Variants in MAP4 observed in about 807,000 individuals in gnomAD.
The protein encoded by MAP4 is microtubule associated protein 4, also known as microtubule-associated protein 4.
MAP4 carries 76 observed loss-of-function variants against 170.2 expected under a neutral mutation model. The observed-to-expected ratio is 0.45, with a 90% CI of 0.37 to 0.54. The LOEUF (loss-of-function observed/expected upper bound fraction) is 0.54. MAP4 is among the 20% of genes least tolerant of loss of function. The pLI, the probability that MAP4 is intolerant of heterozygous loss-of-function variation, is 0.00. For missense variants in MAP4, 2,506 were observed against 2,748.0 expected (o/e 0.91, Z 1.97); for synonymous variants, 909 against 994.5 (o/e 0.91, Z 1.62).
intron 17 of MAP4, among the ~76,000 whole-genome samples, chr3:47,859,588 C>A (rs1032213829): frequency 6.6e-6 from 1 of 152,214 alleles, no homozygotes; most frequent in African/African-American, 2.4e-5. Context: ...AGGTGCCTTC[C>A]ATACGGCCTC....
chr3:47,980,430 G>T (rs1178115864), intron 2 of MAP4, among the ~76,000 whole-genome samples: 2 of 152,156 alleles, frequency 1.3e-5, no homozygotes, highest in Non-Finnish European at 2.9e-5. Context: ...AAAAATGCAA[G>T]ATTTTACTTT....
chr3:47,987,892 A>T (rs988834328), intron 2 of MAP4, among the ~76,000 whole-genome samples: 6 of 152,172 alleles, frequency 3.9e-5, no homozygotes, highest in African/African-American at 9.6e-5. Context: ...GGTAGTAGAA[A>T]CGTCTCTTTA....
intron 10 of MAP4, among the ~76,000 whole-genome samples, chr3:47,882,011 C>T (rs1225399483): frequency 6.6e-6 from 1 of 152,222 alleles, no homozygotes; most frequent in Non-Finnish European, 1.5e-5. Context: ...TACAGTGGCT[C>T]ACGCCTGTAA....
chr3:48,076,359 G>A (rs974111002), intron 1 of MAP4, among the ~76,000 whole-genome samples: 1 of 151,818 alleles, frequency 6.6e-6, no homozygotes, highest in South Asian at 2.1e-4. Context: ...AAAATTAGCC[G>A]GGCATGGTGG....
At chr3:47,974,414 C>T (rs2100080733) in intron 3 of MAP4, 6 of 953,390 alleles carry the variant, frequency 6.3e-6, no homozygotes, top group Non-Finnish European at 7.5e-6. Flanking sequence ...AAGAGTGAGA[C>T]CCTGTCTCAA....
chr3:48,082,299 C>G (rs79362248), intron 1 of MAP4, among the ~76,000 whole-genome samples: 1,593 of 152,322 alleles, frequency 0.01, 28 homozygotes, highest in African/African-American at 0.036. Context: ...TATAACCTCA[C>G]AGTTATCTTC....
intron 3 of MAP4, among the ~76,000 whole-genome samples, chr3:47,937,189 C>T (rs569365932): frequency 4.7e-4 from 71 of 152,180 alleles, no homozygotes; most frequent in African/African-American, 1.7e-3. Flanking sequence ...ATCCATTCAT[C>T]TTTATAATTC....
chr3:47,873,887 G>A (rs1332812297), intron 12 of MAP4, among the ~76,000 whole-genome samples: 1 of 152,194 alleles, frequency 6.6e-6, no homozygotes, highest in Admixed American at 6.5e-5. Context: ...TAGATGTCAG[G>A]CTCTTGGCTT....
intron 1 of MAP4, among the ~76,000 whole-genome samples, chr3:48,037,772 G>C (rs2100119488): frequency 6.6e-6 from 1 of 152,120 alleles, no homozygotes; most frequent in South Asian, 2.1e-4. Context: ...CACTCTATAT[G>C]ATATGTACTT....
intron 3 of MAP4, among the ~76,000 whole-genome samples, chr3:47,949,134 G>A (rs2100062007): frequency 6.6e-6 from 1 of 152,066 alleles, no homozygotes; most frequent in South Asian, 2.1e-4. Flanking sequence ...TATACTACGT[G>A]CCAGGTTCCA....
In MAP4 at chr3:47,921,784, A is replaced by T; in HGVS notation, c.510T>A (p.Asp170Glu). ...ADTSIFAGQNDPLKDSYGMSP... is the reference protein window; with the variant it reads ...ADTSIFAGQNEPLKDSYGMSP... ...CCATACCGTAACTGTCTTTCAAGGGATCATTTTGTCCTGCAAATATTGAAG... is the reference window on the plus strand; with the variant it reads ...CCATACCGTAACTGTCTTTCAAGGGTTCATTTTGTCCTGCAAATATTGAAG... The change falls in exon 5 of 21, where the codon GAT (aspartate) becomes GAA (glutamate). Residue 170 changes from aspartate (D) to glutamate (E), a missense_variant. Physicochemically the swap from Asp to Glu is conservative, Grantham distance 45. Coordinates refer to ENST00000683076, the MANE Select transcript of MAP4 (RefSeq NM_001385682.1). 1.2e-6 allele frequency: 2 copies of T among 1,607,216 alleles called. No homozygotes were observed. Among genetic ancestry groups the T allele is most frequent in the Non-Finnish European group, 1.7e-6 (2 of 1,173,762 alleles).
rs367900255 is a variant in MAP4 at position 47,918,723 on chromosome 3, C to T, written c.648G>A (p.Thr216=). The change falls in exon 6 of 21, where the codon ACG becomes ACA. Residue 216 remains threonine, a synonymous_variant. Coordinates refer to ENST00000683076, the MANE Select transcript of MAP4 (RefSeq NM_001385682.1). The part of the protein sequence containing the change: ...PEAVAEPPQP[T]AVPLELAKEI... ...AGGGAGTCTCTAATAGTTTACCTGC[C>T]GTTGGCTGAGGAGGTTCTGCAACAG... The T allele has an allele frequency of 1.6e-5, 25 of 1,608,764 alleles. No individual in the cohort carries two copies. The highest frequency in any genetic ancestry group is 5.0e-5 in the Admixed American group (3 of 59,944).
chr3:47,930,052 C>T (rs965133125), intron 3 of MAP4, among the ~76,000 whole-genome samples: 1 of 152,164 alleles, frequency 6.6e-6, no homozygotes, highest in African/African-American at 2.4e-5. Context: ...ATCACCTGAG[C>T]CTGGGAGGCG....
intron 3 of MAP4, among the ~76,000 whole-genome samples, chr3:47,954,629 AG>A (rs2100066582): frequency 6.6e-6 from 1 of 152,254 alleles, no homozygotes; most frequent in Non-Finnish European, 1.5e-5. Context: ...GCTTCCCCAA[AG>A]GCCATTTACT....
At chr3:48,048,692 A>T (rs1553740768) in intron 1 of MAP4, among the ~76,000 whole-genome samples, 2 of 151,344 alleles carry the variant, frequency 1.3e-5, no homozygotes, top group Non-Finnish European at 2.9e-5. Context: ...AATTTTTTAA[A>T]TTTTTTTGTA....
intron 9 of MAP4, among the ~76,000 whole-genome samples, chr3:47,903,686 A>C (rs2100031402): frequency 6.6e-6 from 1 of 152,242 alleles, no homozygotes; most frequent in Non-Finnish European, 1.5e-5. Context: ...TGAAAAAATA[A>C]CAGTAGAGCA....
At chr3:47,968,884 T>C (rs1451744001) in intron 3 of MAP4, among the ~76,000 whole-genome samples, 1 of 151,940 alleles carries the variant, frequency 6.6e-6, no homozygotes, top group Non-Finnish European at 1.5e-5. Context: ...TTCAAACTAC[T>C]AAAACCAGAA....
At chr3:47,914,086 T>C (rs1431691646) in intron 8 of MAP4, among the ~76,000 whole-genome samples, 2 of 152,328 alleles carry the variant, frequency 1.3e-5, no homozygotes, top group East Asian at 1.9e-4. Context: ...GTAGATGCTG[T>C]TGGGCCATGG....
chr3:47,895,028 A>AC (rs969250339), intron 10 of MAP4, among the ~76,000 whole-genome samples: 19 of 152,102 alleles, frequency 1.2e-4, no homozygotes, highest in African/African-American at 4.1e-4. Context: ...GTCCAAAAAA[A>AC]AAAAAAAGGG....
Sources: gnomAD v4.1 joint callset for allele counts (sites outside exome capture counted in the v4.1 genomes callset) on GRCh38, gnomAD v4.1.1 for gene constraint, MANE v1.5 for transcripts, NCBI Gene and HGNC (gene_info 2026-07-23, HGNC 2026-07-21) for gene names.